Variants in TRAF3IP1 observed in about 807,000 individuals in gnomAD.
TRAF3IP1 encodes the protein intraflagellar transport 54.
In TRAF3IP1, 53 loss-of-function variants were observed where a neutral mutation model predicts 89.9. The observed-to-expected ratio is 0.59, with a 90% CI of 0.47 to 0.74. The LOEUF (loss-of-function observed/expected upper bound fraction) is 0.74, where lower values mean the gene tolerates loss of function less well. TRAF3IP1 is among the 30% of genes least tolerant of loss of function. The pLI is 0.00. For missense variants in TRAF3IP1, 806 were observed against 866.1 expected (o/e 0.93, Z 0.87); for synonymous variants, 311 against 322.1 (o/e 0.97, Z 0.37).
intron 5 of TRAF3IP1, among the ~76,000 whole-genome samples, chr2:238,330,553 A>G (rs1189063374): frequency 6.6e-6 from 1 of 152,328 alleles, no homozygotes; most frequent in Non-Finnish European, 1.5e-5. Context: ...AGTGAGGGGC[A>G]GGGCCTGAGC....
Position 238,377,230 on chromosome 2 carries a change from C to CTTTTTTT in TRAF3IP1, c.1690-20212_1690-20206dup, listed in dbSNP as rs71402784. 2.1e-3 allele frequency among the ~76,000 whole-genome samples: 180 copies of CTTTTTTT among 86,700 alleles called. 7 individuals carry two copies. The highest frequency in any genetic ancestry group is 5.3e-3 in the East Asian group (15 of 2,822). 56.9% of individuals were successfully genotyped at this position (86,700 alleles called of 152,430 possible). ...CCTCGTTTCCTTCCTTCCTGATTTT[C>CTTTTTTT]TTTTTTTTTTTTTTTTTTTTTTTGA... is the stretch of plus-strand genomic sequence containing the variant. On this transcript the variant is annotated intron_variant, in intron 15 of 16. Coordinates refer to ENST00000373327, the MANE Select transcript of TRAF3IP1 (RefSeq NM_015650.4).
intron 15 of TRAF3IP1, among the ~76,000 whole-genome samples, chr2:238,374,333 A>G (rs958558137): frequency 1.3e-5 from 2 of 152,210 alleles, no homozygotes; most frequent in Non-Finnish European, 2.9e-5. Flanking sequence ...GAGAGTTTTT[A>G]GCATGAAGGG....
chr2:238,338,336 A>T (rs1411266470), intron 7 of TRAF3IP1, 26 bp from the exon 8 acceptor site: 2 of 1,339,492 alleles, frequency 1.5e-6, no homozygotes, highest in Non-Finnish European at 2.1e-6. Context: ...TAATATTTTA[A>T]TCTGTTGTTA....
At chr2:238,372,414 A>C (rs944496799) in intron 15 of TRAF3IP1, among the ~76,000 whole-genome samples, 1 of 152,072 alleles carries the variant, frequency 6.6e-6, no homozygotes, top group African/African-American at 2.4e-5. Flanking sequence ...GTTTGCTTAG[A>C]ATGATGGTTT....
At chr2:238,376,068 A>G (rs560266235) in intron 15 of TRAF3IP1, among the ~76,000 whole-genome samples, 17 of 152,164 alleles carry the variant, frequency 1.1e-4, no homozygotes, top group Non-Finnish European at 2.2e-4. Context: ...CAGGTAGTAA[A>G]TATTTTCAGC....
intron 11 of TRAF3IP1, 123 bp from the exon 12 acceptor site, chr2:238,349,202 C>T: frequency 7.6e-6 from 7 of 921,850 alleles, no homozygotes; most frequent in Non-Finnish European, 1.2e-5. Context: ...AGTAGCGTGT[C>T]CTAACCAGCA....
At chr2:238,364,245 A>G (rs1432651140) in intron 15 of TRAF3IP1, among the ~76,000 whole-genome samples, 1 of 152,180 alleles carries the variant, frequency 6.6e-6, no homozygotes, top group Non-Finnish European at 1.5e-5. Context: ...ATTGGAAGTA[A>G]AGCCATTTCT....
At chr2:238,359,748 C>T (rs1399596546) in intron 15 of TRAF3IP1, among the ~76,000 whole-genome samples, 2 of 152,126 alleles carry the variant, frequency 1.3e-5, no homozygotes, top group East Asian at 1.9e-4. Context: ...AGTAGAACCC[C>T]TCTTATTTGC....
At chr2:238,349,256 T>G (rs977996345) in intron 11 of TRAF3IP1, 69 bp from the exon 12 acceptor site, 1 of 1,448,390 alleles carries the variant, frequency 6.9e-7, no homozygotes, top group African/African-American at 1.4e-5. Context: ...TCACCTGGGC[T>G]TTCTTTTCCA....
At chr2:238,357,151 G>A (rs1699452637) in intron 15 of TRAF3IP1, among the ~76,000 whole-genome samples, 1 of 149,592 alleles carries the variant, frequency 6.7e-6, no homozygotes, top group Admixed American at 6.6e-5. Context: ...CCTCACACAT[G>A]TGTGATGTGC....
At chr2:238,395,045 G>T (rs368957144) in intron 15 of TRAF3IP1, among the ~76,000 whole-genome samples, 7 of 152,054 alleles carry the variant, frequency 4.6e-5, no homozygotes, top group Admixed American at 2.0e-4. Context: ...TGGAGTGGGT[G>T]GGGGGGTGTC....
intron 15 of TRAF3IP1, among the ~76,000 whole-genome samples, chr2:238,368,189 G>T (rs1699967071): frequency 6.6e-6 from 1 of 152,142 alleles, no homozygotes; most frequent in African/African-American, 2.4e-5. Context: ...AATGAATTAG[G>T]TTTTATTGAG....
At chr2:238,360,858 G>A (rs1227041973) in intron 15 of TRAF3IP1, among the ~76,000 whole-genome samples, 1 of 151,768 alleles carries the variant, frequency 6.6e-6, no homozygotes, top group African/African-American at 2.4e-5. Flanking sequence ...CCAGCCTGGG[G>A]GACAAAGTGA....
At chr2:238,384,614 A>T (rs1700689642) in intron 15 of TRAF3IP1, among the ~76,000 whole-genome samples, 2 of 144,222 alleles carry the variant, frequency 1.4e-5, no homozygotes, top group Admixed American at 7.2e-5. Context: ...TGAGCTCCTG[A>T]CCTTGTGATC....
At chr2:238,322,995 T>C (rs1697633822) in intron 1 of TRAF3IP1, among the ~76,000 whole-genome samples, 1 of 152,200 alleles carries the variant, frequency 6.6e-6, no homozygotes, top group Non-Finnish European at 1.5e-5. Flanking sequence ...ATTTTAGCTA[T>C]AGCTACACTA....
At chr2:238,360,404 A>G (rs1559377231) in intron 15 of TRAF3IP1, among the ~76,000 whole-genome samples, 1 of 152,114 alleles carries the variant, frequency 6.6e-6, no homozygotes, top group Non-Finnish European at 1.5e-5. Flanking sequence ...AAATGTGAGG[A>G]TCACTTGAAG....
intron 15 of TRAF3IP1, among the ~76,000 whole-genome samples, chr2:238,397,090 T>C (rs1701259517): frequency 6.6e-6 from 1 of 152,212 alleles, no homozygotes; most frequent in Non-Finnish European, 1.5e-5. Flanking sequence ...GGGAAAAATC[T>C]TCCATGTCAC....
At chr2:238,390,097 G>A (rs979942047) in intron 15 of TRAF3IP1, among the ~76,000 whole-genome samples, 1 of 152,176 alleles carries the variant, frequency 6.6e-6, no homozygotes, top group Non-Finnish European at 1.5e-5. Context: ...TCTTTAGCCC[G>A]CAGGAAAAGG....
intron 12 of TRAF3IP1, among the ~76,000 whole-genome samples, chr2:238,352,042 G>T (rs1699196058): frequency 6.6e-6 from 1 of 152,072 alleles, no homozygotes; most frequent in African/African-American, 2.4e-5. Context: ...TAAGGAGCCT[G>T]TAGAGTGTTT....
Sources: allele counts gnomAD v4.1 joint callset (sites outside exome capture counted in the v4.1 genomes callset), GRCh38; gene constraint gnomAD v4.1.1; transcripts MANE v1.5; gene names NCBI Gene and HGNC (gene_info 2026-07-23, HGNC 2026-07-21).